NRP2: variants seen among roughly 807,000 people sequenced by gnomAD.
The protein encoded by NRP2 is neuropilin 2.
In NRP2, 52 loss-of-function variants were observed where a neutral mutation model predicts 110.4. The observed-to-expected ratio is 0.47, with a 90% confidence interval of 0.38 to 0.59. The LOEUF is 0.59. Among genes scored for constraint, NRP2 ranks in the 20% least tolerant of loss-of-function variants. The pLI, the probability that NRP2 is intolerant of heterozygous loss-of-function variation, is 0.00. For missense variants in NRP2, 1,049 were observed against 1,203.0 expected (o/e 0.87, Z 1.89); for synonymous variants, 508 against 468.9 (o/e 1.08, Z -1.08).
chr2:205,753,864 A>G (rs902246355), intron 12 of NRP2, among the ~76,000 whole-genome samples: 3 of 152,186 alleles, frequency 2.0e-5, no homozygotes, highest in African/African-American at 7.2e-5. Context: ...TTTTTTTTCC[A>G]TTGTGCAAAT....
chr2:205,715,726 T>A (rs569599834), intron 2 of NRP2, among the ~76,000 whole-genome samples: 53 of 152,212 alleles, frequency 3.5e-4, no homozygotes, highest in African/African-American at 1.2e-3. Context: ...ACATATATAT[T>A]TTTTTTCATT....
At chr2:205,784,807 C>T (rs1575680187) in intron 15 of NRP2, among the ~76,000 whole-genome samples, 1 of 152,174 alleles carries the variant, frequency 6.6e-6, no homozygotes, top group East Asian at 1.9e-4. Context: ...TTTCTCTTTC[C>T]CTTCATCCAT....
At chr2:205,684,304 C>T (rs1329010594) in intron 1 of NRP2, among the ~76,000 whole-genome samples, 1 of 152,168 alleles carries the variant, frequency 6.6e-6, no homozygotes, top group Non-Finnish European at 1.5e-5. Flanking sequence ...CCTCCCTACC[C>T]CTCTGAGAAC....
At chr2:205,733,969 G>A (rs986301711) in intron 7 of NRP2, among the ~76,000 whole-genome samples, 1 of 152,036 alleles carries the variant, frequency 6.6e-6, no homozygotes, top group African/African-American at 2.4e-5. Flanking sequence ...ATGGGGATGC[G>A]CACATCCCCG....
chr2:205,713,042 G>A (rs2056829191), intron 2 of NRP2, among the ~76,000 whole-genome samples: 1 of 152,172 alleles, frequency 6.6e-6, no homozygotes, highest in African/African-American at 2.4e-5. Context: ...TTTGTTGCAG[G>A]CAGCATTACA....
At chr2:205,768,550 AG>A (rs1259392777) in intron 15 of NRP2, 1 of 152,260 alleles carries the variant, frequency 6.6e-6, no homozygotes. Context: ...TAAGCAGACC[AG>A]GGCACGTACA....
At chr2:205,730,094 G>A (rs988673051) in intron 7 of NRP2, among the ~76,000 whole-genome samples, 2 of 152,214 alleles carry the variant, frequency 1.3e-5, no homozygotes, top group African/African-American at 4.8e-5. Context: ...CTGCCAATTA[G>A]GCATCGCCCC....
intron 2 of NRP2, among the ~76,000 whole-genome samples, 184 bp from the exon 3 acceptor site, chr2:205,716,009 A>C (rs1641733864): frequency 6.6e-6 from 1 of 152,252 alleles, no homozygotes; most frequent in Admixed American, 6.5e-5. Flanking sequence ...GGCTTTCACA[A>C]AGCACAACGA....
chr2:205,725,511 G>A lies in NRP2; in HGVS notation c.821-402G>A, dbSNP rs531570178. ...AAAGAAGCAAAAGTGCCTCCTGGGTGTTTATTAATAAAGCAGGCTTCCCAC... is the reference window on the plus strand; with the variant it reads ...AAAGAAGCAAAAGTGCCTCCTGGGTATTTATTAATAAAGCAGGCTTCCCAC... On this transcript the variant is annotated intron_variant, in intron 5 of 16. Coordinates refer to ENST00000357785, the MANE Select transcript of NRP2 (RefSeq NM_003872.3). This position sits in a 1 kb window ranked among gnomAD's most constrained non-coding sequence, Gnocchi z 4.1. Among the ~76,000 whole-genome samples, 1 of 152,310 alleles carries A rather than the reference G, an allele frequency of 6.6e-6. No homozygotes were observed. The highest frequency in any genetic ancestry group is 2.4e-5 in the African/African-American group (1 of 41,576).
intron 7 of NRP2, among the ~76,000 whole-genome samples, chr2:205,739,682 C>CTTTTTT (rs3047659): frequency 8.0e-6 from 1 of 124,952 alleles, no homozygotes; most frequent in Non-Finnish European, 1.7e-5. Flanking sequence ...GCTCTAGTTA[C>CTTTTTT]TTTTTTTTTT....
intron 9 of NRP2, among the ~76,000 whole-genome samples, chr2:205,744,295 A>G (rs920220348): frequency 6.6e-6 from 1 of 152,226 alleles, no homozygotes; most frequent in Non-Finnish European, 1.5e-5. Flanking sequence ...TTGGCCAGAC[A>G]TCTAAAGGGG....
At chr2:205,759,320 T>C (rs936594545) in intron 12 of NRP2, among the ~76,000 whole-genome samples, 1 of 152,200 alleles carries the variant, frequency 6.6e-6, no homozygotes, top group Non-Finnish European at 1.5e-5. Flanking sequence ...AGGAAATGTC[T>C]CTAAATGACA....
intron 3 of NRP2, among the ~76,000 whole-genome samples, chr2:205,720,477 AG>A (rs1451535385): frequency 1.3e-5 from 2 of 151,970 alleles, no homozygotes; most frequent in African/African-American, 4.8e-5. Flanking sequence ...CCCCACTCCC[AG>A]GGGGGTGGAC....
chr2:205,691,718 C>T (rs1264493960), intron 1 of NRP2, among the ~76,000 whole-genome samples: 2 of 152,184 alleles, frequency 1.3e-5, no homozygotes, highest in Non-Finnish European at 2.9e-5. Flanking sequence ...ATTGTAATCC[C>T]AGATCTCTCA....
chr2:205,792,148 G>A (rs1003013180), intron 15 of NRP2, 87 bp from the exon 16 acceptor site: 1 of 852,642 alleles, frequency 1.2e-6, no homozygotes, highest in African/African-American at 1.7e-5. Flanking sequence ...AGAATGGGGA[G>A]TCATTCTCGT....
In NRP2 at chr2:205,797,670, C is replaced by T. The variant is rs937937262; in HGVS notation, c.*2612C>T. The T allele has an allele frequency of 6.6e-6, 1 of 152,608 alleles. No homozygotes were observed. Among genetic ancestry groups the T allele is most frequent in the African/African-American group, 2.4e-5 (1 of 41,432 alleles). 9.5% of individuals were successfully genotyped at this position (152,608 alleles called of 1,614,324 possible). A position where few individuals can be genotyped will look rare whatever the true frequency, so the allele number is the denominator to read the frequency against. ...CCAATTTTGACTTGGCCAGGGGACA[C>T]CTTGGTGTGTTTGTTATCTTTATCT... On this transcript the variant is annotated 3_prime_UTR_variant, in exon 17 of 17. Transcript: ENST00000357785.
intron 1 of NRP2, among the ~76,000 whole-genome samples, chr2:205,688,406 A>G (rs1403511425): frequency 6.6e-6 from 1 of 152,198 alleles, no homozygotes; most frequent in Non-Finnish European, 1.5e-5. Context: ...TTTCTGGAAG[A>G]TGCTGCAGAA....
chr2:205,790,243 C>T (rs141397216), intron 15 of NRP2, among the ~76,000 whole-genome samples: 1 of 152,286 alleles, frequency 6.6e-6, no homozygotes, highest in Non-Finnish European at 1.5e-5. Flanking sequence ...TCATCTCATC[C>T]AGTCCTCAAC....
Position 205,718,929 on chromosome 2 carries a change from C to T in NRP2, c.433+2555C>T, listed in dbSNP as rs142867982. 5.9e-3 allele frequency among the ~76,000 whole-genome samples: 679 copies of T among 114,370 alleles called. 6 individuals carry two copies. The highest frequency in any genetic ancestry group is 0.021 in the African/African-American group (651 of 31,180). 75.0% of individuals were successfully genotyped at this position (114,370 alleles called of 152,430 possible). A position where few individuals can be genotyped will look rare whatever the true frequency, so the allele number is the denominator to read the frequency against. ...TGCACTCCAGCCTGGACGACAAGAG[C>T]GAAATTCCATCTCAAAAAAAAAAAA... is the stretch of plus-strand genomic sequence containing the variant. On this transcript the variant is annotated intron_variant, in intron 3 of 16. Transcript: ENST00000357785.
Sources: allele counts gnomAD v4.1 joint callset (sites outside exome capture counted in the v4.1 genomes callset), GRCh38; gene constraint gnomAD v4.1.1; non-coding constraint Gnocchi (gnomAD v3.1); transcripts MANE v1.5; gene names NCBI Gene and HGNC (gene_info 2026-07-23, HGNC 2026-07-21).